Variants in SLC4A10 observed in about 807,000 individuals in gnomAD.
The protein encoded by SLC4A10 is sodium-driven chloride bicarbonate exchanger.
SLC4A10 carries 42 observed loss-of-function variants against 137.7 expected under a neutral mutation model. The observed-to-expected ratio is 0.30, with a 90% confidence interval of 0.24 to 0.39. The LOEUF is 0.39. Ranked by LOEUF, SLC4A10 falls within the 10% of genes least tolerant of loss-of-function variation. SLC4A10 has a pLI of 1.00. For missense variants in SLC4A10, 925 were observed against 1,355.0 expected (o/e 0.68, Z 4.98); for synonymous variants, 474 against 464.1 (o/e 1.02, Z -0.27).
At chr2:161,887,833 C>A (rs1461302357) in intron 10 of SLC4A10, among the ~76,000 whole-genome samples, 1 of 152,104 alleles carries the variant, frequency 6.6e-6, no homozygotes, top group Non-Finnish European at 1.5e-5. Context: ...TCAGTTTTGG[C>A]TTTTGTTGCC....
chr2:161,889,440 A>G lies in SLC4A10; in HGVS notation c.1195-5239A>G, dbSNP rs138556423. Reference sequence around the variant, plus strand: ...GCTTTTTTTGGTTGGTAGGCTATTAATTACTAACTCAATTTCAGAACTTGT... The same window carrying G: ...GCTTTTTTTGGTTGGTAGGCTATTAGTTACTAACTCAATTTCAGAACTTGT... On this transcript the variant is annotated intron_variant, in intron 10 of 26. Transcript: ENST00000446997. 4.4e-3 allele frequency among the ~76,000 whole-genome samples: 674 copies of G among 152,238 alleles called. 4 individuals carry two copies. The highest frequency in any genetic ancestry group is 7.2e-3 in the Non-Finnish European group (489 of 68,020).
intron 1 of SLC4A10, among the ~76,000 whole-genome samples, chr2:161,668,491 C>A (rs1417884087): frequency 6.6e-6 from 1 of 151,708 alleles, no homozygotes; most frequent in East Asian, 1.9e-4. Context: ...GTGAGTTTCT[C>A]ACTACTAGAA....
At chr2:161,625,317 T>C (rs530340675) in intron 1 of SLC4A10, among the ~76,000 whole-genome samples, 1 of 152,160 alleles carries the variant, frequency 6.6e-6, no homozygotes, top group South Asian at 2.1e-4. Context: ...GCCTATCCTC[T>C]CCACAATCTC....
intron 19 of SLC4A10, among the ~76,000 whole-genome samples, chr2:161,953,830 TG>T (rs1261615592): frequency 3.5e-4 from 54 of 152,222 alleles, no homozygotes; most frequent in Non-Finnish European, 1.8e-4. Flanking sequence ...TATACATAAA[TG>T]TACATATAAA....
intron 5 of SLC4A10, among the ~76,000 whole-genome samples, chr2:161,860,626 G>A (rs926094697): frequency 6.6e-6 from 1 of 152,010 alleles, no homozygotes; most frequent in African/African-American, 2.4e-5. Flanking sequence ...TAACCCAGGG[G>A]TATTATAACT....
chr2:161,691,954 A>G (rs1345952265), intron 1 of SLC4A10, among the ~76,000 whole-genome samples: 1 of 152,162 alleles, frequency 6.6e-6, no homozygotes, highest in Non-Finnish European at 1.5e-5. Flanking sequence ...ATGTACATAA[A>G]AAGAAAGGTG....
chr2:161,722,602 T>C (rs561023302), intron 1 of SLC4A10, among the ~76,000 whole-genome samples: 1 of 152,284 alleles, frequency 6.6e-6, no homozygotes, highest in Non-Finnish European at 1.5e-5. Context: ...AATGCTCCTG[T>C]ACAAGGTGTC....
At chr2:161,889,308 G>C (rs933210296) in intron 10 of SLC4A10, among the ~76,000 whole-genome samples, 1 of 152,174 alleles carries the variant, frequency 6.6e-6, no homozygotes, top group African/African-American at 2.4e-5. Flanking sequence ...AAATGAGTTA[G>C]GGAGGAGTCC....
chr2:161,936,030 C>T (rs1691522328), intron 15 of SLC4A10, among the ~76,000 whole-genome samples: 1 of 152,052 alleles, frequency 6.6e-6, no homozygotes, highest in African/African-American at 2.4e-5. Context: ...TTTTCTGTGT[C>T]TGTAGAGATG....
chr2:161,956,845 G>A (rs1224932081), intron 19 of SLC4A10, 144 bp from the exon 20 acceptor site: 12 of 873,564 alleles, frequency 1.4e-5, no homozygotes, highest in East Asian at 2.7e-5. Context: ...TGGAAACTGA[G>A]TGTTTGTTTA....
chr2:161,667,877 A>T (rs2039253623), intron 1 of SLC4A10, among the ~76,000 whole-genome samples: 1 of 151,806 alleles, frequency 6.6e-6, no homozygotes, highest in Admixed American at 6.6e-5. Context: ...TATGTTGTAT[A>T]AGGTAGCTAA....
intron 25 of SLC4A10, 101 bp from the exon 26 acceptor site, chr2:161,977,621 G>A (rs1699588581): frequency 2.2e-6 from 2 of 927,144 alleles, no homozygotes; most frequent in Admixed American, 2.4e-5. Flanking sequence ...AGTGATTGAG[G>A]GAATTGGGAC....
At chr2:161,708,675 T>C (rs961012589) in intron 1 of SLC4A10, 2 of 1,501,324 alleles carry the variant, frequency 1.3e-6, no homozygotes, top group Non-Finnish European at 1.8e-6. Context: ...GATCTGTTGT[T>C]TGATATTTTT....
chr2:161,933,262 CTCCT>C (rs1277583812), intron 15 of SLC4A10, among the ~76,000 whole-genome samples: 12 of 102,616 alleles, frequency 1.2e-4, no homozygotes, highest in Admixed American at 8.3e-4. Context: ...TTCTTTCTTT[CTCCT>C]TCCTTCCTTT....
chr2:161,908,476 A>G (rs1685001415), intron 15 of SLC4A10, among the ~76,000 whole-genome samples: 2 of 149,818 alleles, frequency 1.3e-5, no homozygotes, highest in Non-Finnish European at 3.0e-5. Flanking sequence ...TAGGAGATAT[A>G]CCTAATGCTA....
intron 4 of SLC4A10, among the ~76,000 whole-genome samples, chr2:161,846,123 A>G (rs1212133047): frequency 2.6e-5 from 4 of 152,162 alleles, no homozygotes; most frequent in Non-Finnish European, 4.4e-5. Context: ...CTCAAAGTTC[A>G]ACAGTATGAA....
intron 2 of SLC4A10, among the ~76,000 whole-genome samples, chr2:161,800,675 A>C (rs1352424371): frequency 6.6e-6 from 1 of 152,088 alleles, no homozygotes; most frequent in Non-Finnish European, 1.5e-5. Context: ...AGAGAATGAC[A>C]GTATGCAAAG....
intron 23 of SLC4A10, among the ~76,000 whole-genome samples, chr2:161,966,743 A>AAAAAAAC (rs769921458): frequency 0.31 from 46,103 of 149,512 alleles, 8,395 homozygotes; most frequent in Admixed American, 0.41. Context: ...CTCAAAAAAA[A>AAAAAAAC]AAAAAACAAA....
At chr2:161,868,156 A>G (rs956608805) in intron 6 of SLC4A10, among the ~76,000 whole-genome samples, 1 of 151,618 alleles carries the variant, frequency 6.6e-6, no homozygotes, top group African/African-American at 2.4e-5. Flanking sequence ...GCATACTTAA[A>G]GAAGAAGAGA....
Sources: gnomAD v4.1 joint callset for allele counts (sites outside exome capture counted in the v4.1 genomes callset) on GRCh38, gnomAD v4.1.1 for gene constraint, MANE v1.5 for transcripts, NCBI Gene and HGNC (gene_info 2026-07-23, HGNC 2026-07-21) for gene names.